EXOC6B: variants seen among roughly 807,000 people sequenced by gnomAD.
EXOC6B encodes SEC15 homolog B.
A neutral mutation model predicts 113.5 loss-of-function variants in EXOC6B; 54 were observed. The observed-to-expected ratio is 0.48, with a 90% CI of 0.38 to 0.60. The LOEUF is 0.60. Ranked by LOEUF, EXOC6B falls within the 20% of genes least tolerant of loss-of-function variation. The probability of loss-of-function intolerance (pLI) is 0.00; values close to 1 mark genes in which losing one functional copy is unlikely to be tolerated. For missense variants in EXOC6B, 797 were observed against 977.5 expected, an observed-to-expected ratio of 0.82 and a Z score of 2.46; for synonymous variants, 357 against 339.0, an observed-to-expected ratio of 1.05 and a Z score of -0.58.
At position 72,715,921 on chromosome 2, in the gene EXOC6B, A is replaced by G. The variant is rs530241831; in HGVS notation, c.669+2182T>C. 9.9e-5 allele frequency among the ~76,000 whole-genome samples: 15 copies of G among 152,242 alleles called. No individual in the cohort carries two copies. In the South Asian group the frequency reaches 3.1e-3, roughly 32 times the overall value. Reference sequence around the variant, plus strand: ...GCCATTGGACTGTTGCCCCCTAAGGAAGGAGTGAGTGTGTTCTATGTATGA... The same window carrying G: ...GCCATTGGACTGTTGCCCCCTAAGGGAGGAGTGAGTGTGTTCTATGTATGA... On this transcript the variant is annotated intron_variant, in intron 6 of 21. Transcript: ENST00000272427.
intron 18 of EXOC6B, among the ~76,000 whole-genome samples, chr2:72,383,216 A>C (rs1469967030): frequency 6.6e-6 from 1 of 152,176 alleles, no homozygotes; most frequent in Non-Finnish European, 1.5e-5. Flanking sequence ...AACCTACAGA[A>C]TGGAAGAAAG....
At chr2:72,784,495 G>A (rs1684257328) in intron 1 of EXOC6B, among the ~76,000 whole-genome samples, 1 of 152,158 alleles carries the variant, frequency 6.6e-6, no homozygotes, top group Non-Finnish European at 1.5e-5. Flanking sequence ...AAGGAAAAGA[G>A]GTTTAATTGG....
At chr2:72,581,019 C>G (rs534938760) in intron 6 of EXOC6B, among the ~76,000 whole-genome samples, 1 of 152,274 alleles carries the variant, frequency 6.6e-6, no homozygotes, top group South Asian at 2.1e-4. Flanking sequence ...TTGAATAAAC[C>G]AGTCACATAT....
chr2:72,696,284 A>G (rs1234691173), intron 6 of EXOC6B, among the ~76,000 whole-genome samples: 1 of 152,248 alleles, frequency 6.6e-6, no homozygotes, highest in Non-Finnish European at 1.5e-5. Flanking sequence ...CAAAATGGAC[A>G]AATGGCCTTA....
intron 20 of EXOC6B, among the ~76,000 whole-genome samples, chr2:72,249,314 C>CATA (rs1682863111): frequency 6.6e-6 from 1 of 152,076 alleles, no homozygotes. Context: ...GGCTGGAGTG[C>CATA]AGTGGTGCAA....
chr2:72,512,765 T>C lies in EXOC6B; in HGVS notation c.1167+367A>G, dbSNP rs527832532. Among the ~76,000 whole-genome samples, 391 of 152,142 alleles carry C rather than the reference T, an allele frequency of 2.6e-3. 2 individuals carry two copies. Among genetic ancestry groups the C allele is most frequent in the African/African-American group, 8.7e-3 (360 of 41,538 alleles). Reference sequence around the variant, plus strand: ...GGCATTAGGCTGGTTACCTAACCTCTCTCAGGTTCAATTTCCCAGACTATA... The same window carrying C: ...GGCATTAGGCTGGTTACCTAACCTCCCTCAGGTTCAATTTCCCAGACTATA... On this transcript the variant is annotated intron_variant, in intron 11 of 21. Coordinates refer to ENST00000272427, the MANE Select transcript of EXOC6B (RefSeq NM_015189.3).
intron 18 of EXOC6B, among the ~76,000 whole-genome samples, chr2:72,413,369 C>T (rs1332371914): frequency 6.6e-6 from 1 of 151,634 alleles, no homozygotes; most frequent in Non-Finnish European, 1.5e-5. Context: ...TGGTATAGGG[C>T]CTGAAATTTT....
At chr2:72,789,677 G>T (rs1684567878) in intron 1 of EXOC6B, among the ~76,000 whole-genome samples, 1 of 152,096 alleles carries the variant, frequency 6.6e-6, no homozygotes, top group Non-Finnish European at 1.5e-5. Context: ...ACTAACTGAT[G>T]ACACCAAATT....
intron 6 of EXOC6B, among the ~76,000 whole-genome samples, chr2:72,644,871 C>T (rs977865459): frequency 6.6e-6 from 1 of 152,170 alleles, no homozygotes; most frequent in African/African-American, 2.4e-5. Flanking sequence ...TAGGAAGAAA[C>T]TCCATCAACT....
intron 18 of EXOC6B, among the ~76,000 whole-genome samples, chr2:72,446,145 A>G (rs1287271488): frequency 6.6e-6 from 1 of 152,222 alleles, no homozygotes; most frequent in East Asian, 1.9e-4. Context: ...ATTACTAGGT[A>G]TATAACCAGG....
At chr2:72,594,073 T>C (rs1452326240) in intron 6 of EXOC6B, among the ~76,000 whole-genome samples, 1 of 152,168 alleles carries the variant, frequency 6.6e-6, no homozygotes, top group African/African-American at 2.4e-5. Context: ...CTTGACCTCC[T>C]GGTCTCAACT....
chr2:72,389,322 T>C (rs1692229917), intron 18 of EXOC6B, among the ~76,000 whole-genome samples: 1 of 151,962 alleles, frequency 6.6e-6, no homozygotes, highest in Non-Finnish European at 1.5e-5. Flanking sequence ...ATAAAAACAG[T>C]ATTCTTGCAT....
intron 20 of EXOC6B, among the ~76,000 whole-genome samples, chr2:72,208,519 C>A (rs1259665065): frequency 6.6e-6 from 1 of 152,100 alleles, no homozygotes; most frequent in African/African-American, 2.4e-5. Flanking sequence ...CATGTCTTTG[C>A]TATTGTGAAT....
chr2:72,760,660 T>C (rs1276920337), intron 1 of EXOC6B: 2 of 152,272 alleles, frequency 1.3e-5, no homozygotes, highest in Non-Finnish European at 2.9e-5. Flanking sequence ...GAAAAAATGG[T>C]CCTAGAGCAA....
chr2:72,557,493 T>C (rs1703628512), intron 8 of EXOC6B, among the ~76,000 whole-genome samples: 2 of 152,190 alleles, frequency 1.3e-5, no homozygotes, highest in African/African-American at 4.8e-5. Flanking sequence ...TCATGTCTTT[T>C]GCAGGAACAT....
chr2:72,656,729 A>G (rs1413185412), intron 6 of EXOC6B, among the ~76,000 whole-genome samples: 1 of 152,220 alleles, frequency 6.6e-6, no homozygotes, highest in Non-Finnish European at 1.5e-5. Flanking sequence ...CCGCTCAGAG[A>G]TGACTACTAC....
At chr2:72,638,069 A>G (rs747483838) in intron 6 of EXOC6B, among the ~76,000 whole-genome samples, 1 of 152,194 alleles carries the variant, frequency 6.6e-6, no homozygotes, top group African/African-American at 2.4e-5. Context: ...CAGTGAAAGG[A>G]AAACTTGGTT....
At chr2:72,635,025 T>C (rs999939615) in intron 6 of EXOC6B, among the ~76,000 whole-genome samples, 15 of 151,018 alleles carry the variant, frequency 9.9e-5, no homozygotes, top group South Asian at 2.1e-4. Context: ...TGAATGAAAG[T>C]GAAAATAAAC....
At chr2:72,616,072 A>G (rs1671371011) in intron 6 of EXOC6B, among the ~76,000 whole-genome samples, 1 of 152,142 alleles carries the variant, frequency 6.6e-6, no homozygotes, top group South Asian at 2.1e-4. Context: ...AAAATGTTTA[A>G]GTATTATTAG....
Sources: allele counts gnomAD v4.1 joint callset (sites outside exome capture counted in the v4.1 genomes callset), GRCh38; gene constraint gnomAD v4.1.1; transcripts MANE v1.5; gene names NCBI Gene and HGNC (gene_info 2026-07-23, HGNC 2026-07-21).